Variants in DDX10 observed in about 807,000 individuals in gnomAD.
DDX10 encodes the protein probable ATP-dependent RNA helicase DDX10.
A neutral mutation model predicts 104.3 loss-of-function variants in DDX10; 74 were observed. That is an observed-to-expected ratio of 0.71 (90% CI 0.59 to 0.86). The LOEUF (loss-of-function observed/expected upper bound fraction) is 0.86, where lower values mean the gene tolerates loss of function less well. Among genes scored for constraint, DDX10 ranks in the 40% least tolerant of loss-of-function variants. DDX10 has a pLI of 0.00. For synonymous variants in DDX10, 351 were observed against 353.4 expected, an observed-to-expected ratio of 0.99 and a Z score of 0.08; for missense variants, 952 against 1,040.0, an observed-to-expected ratio of 0.92 and a Z score of 1.16.
At chr11:108,743,556 GTAT>G (rs2094327867) in intron 13 of DDX10, among the ~76,000 whole-genome samples, 1 of 152,138 alleles carries the variant, frequency 6.6e-6, no homozygotes, top group Non-Finnish European at 1.5e-5. Context: ...TTAACTTATT[GTAT>G]TGAACTATTA....
At chr11:108,868,412 A>G (rs1863035640) in intron 16 of DDX10, 1 of 152,000 alleles carries the variant, frequency 6.6e-6, no homozygotes, top group South Asian at 2.1e-4. Context: ...AGAGTAAGAA[A>G]TACATTTTCC....
At chr11:108,863,735 G>A (rs1211097548) in intron 16 of DDX10, among the ~76,000 whole-genome samples, 1 of 152,132 alleles carries the variant, frequency 6.6e-6, no homozygotes, top group Admixed American at 6.5e-5. Context: ...AGTACATGAT[G>A]TTTTTGTGGT....
At chr11:108,752,157 G>A (rs1447956930) in intron 13 of DDX10, among the ~76,000 whole-genome samples, 1 of 152,124 alleles carries the variant, frequency 6.6e-6, no homozygotes, top group Non-Finnish European at 1.5e-5. Context: ...ACGTCGTGAA[G>A]TTACGTCTTG....
At chr11:108,669,918 G>A (rs1047038062) in intron 1 of DDX10, among the ~76,000 whole-genome samples, 13 of 152,198 alleles carry the variant, frequency 8.5e-5, no homozygotes, top group African/African-American at 2.2e-4. Context: ...GGACTCTGCC[G>A]TAGAGTCATC....
Position 108,760,712 on chromosome 11 carries a change from G to A in DDX10, c.1965+37250G>A, listed in dbSNP as rs528542525. Among the ~76,000 whole-genome samples, 12 of 148,040 alleles carry A rather than the reference G, an allele frequency of 8.1e-5. No homozygotes were observed. In the South Asian group the frequency reaches 2.5e-3, roughly 31 times the overall value. On this transcript the variant is annotated intron_variant, in intron 13 of 17. Coordinates refer to ENST00000322536, the MANE Select transcript of DDX10 (RefSeq NM_004398.4). ...TTTTTTAAATTGGACTTCAGGGCCT[G>A]TATAGGAAAGACAGTTACTTTATCC... is the stretch of plus-strand genomic sequence containing the variant.
At chr11:108,901,970 A>G (rs1049253295) in intron 16 of DDX10, among the ~76,000 whole-genome samples, 2 of 152,192 alleles carry the variant, frequency 1.3e-5, no homozygotes, top group East Asian at 3.8e-4. Context: ...ACTTGTGGAT[A>G]ACTTCATTAA....
intron 6 of DDX10, among the ~76,000 whole-genome samples, chr11:108,686,127 T>C (rs574210059): frequency 3.7e-4 from 57 of 152,284 alleles, no homozygotes; most frequent in African/African-American, 1.3e-3. Flanking sequence ...AATCTCAAAA[T>C]TGAAAGGAAG....
At chr11:108,727,295 AAC>A (rs1367873684) in intron 13 of DDX10, among the ~76,000 whole-genome samples, 1 of 152,104 alleles carries the variant, frequency 6.6e-6, no homozygotes, top group East Asian at 1.9e-4. Context: ...TATCAATATT[AAC>A]AGTTATTTAG....
At chr11:108,929,248 G>A (rs1408297432) in intron 17 of DDX10, among the ~76,000 whole-genome samples, 1 of 152,210 alleles carries the variant, frequency 6.6e-6, no homozygotes, top group African/African-American at 2.4e-5. Flanking sequence ...CAGACAAGAG[G>A]TGGTGACAGG....
At chr11:108,675,912 C>A (rs530131259) in intron 3 of DDX10, 186 bp downstream of exon 3, 5 of 641,178 alleles carry the variant, frequency 7.8e-6, no homozygotes, top group African/African-American at 7.3e-5. Flanking sequence ...GGTTCTAGCA[C>A]AGTGCCTTGC....
At chr11:108,844,868 C>T (rs899685561) in intron 15 of DDX10, among the ~76,000 whole-genome samples, 1 of 152,058 alleles carries the variant, frequency 6.6e-6, no homozygotes, top group Non-Finnish European at 1.5e-5. Flanking sequence ...TTTTTTCTCC[C>T]TGACAAGTCA....
chr11:108,665,530 T>A (rs1191488542), intron 1 of DDX10, among the ~76,000 whole-genome samples, 191 bp downstream of exon 1: 1 of 151,656 alleles, frequency 6.6e-6, no homozygotes, highest in East Asian at 1.9e-4. Flanking sequence ...ACACTGTTCC[T>A]AAAAAAATAA....
intron 3 of DDX10, among the ~76,000 whole-genome samples, chr11:108,676,735 C>T (rs1026348260): frequency 2.0e-5 from 3 of 152,154 alleles, no homozygotes; most frequent in Non-Finnish European, 4.4e-5. Flanking sequence ...TGAGCCACTG[C>T]GCCCAGCCAA....
chr11:108,930,956 G>A (rs1863968512), intron 17 of DDX10, among the ~76,000 whole-genome samples: 1 of 152,136 alleles, frequency 6.6e-6, no homozygotes, highest in African/African-American at 2.4e-5. Context: ...AAACGTCAAA[G>A]ACTATTGTTG....
intron 16 of DDX10, among the ~76,000 whole-genome samples, chr11:108,903,780 T>C (rs913204190): frequency 6.6e-5 from 10 of 152,158 alleles, no homozygotes; most frequent in Non-Finnish European, 1.5e-4. Flanking sequence ...GACAATTTTA[T>C]TCCATCGTAT....
At chr11:108,774,908 T>C (rs571081461) in intron 13 of DDX10, among the ~76,000 whole-genome samples, 5 of 152,126 alleles carry the variant, frequency 3.3e-5, no homozygotes, top group Non-Finnish European at 5.9e-5. Flanking sequence ...AGCTTCTAAC[T>C]TGCTGGAACA....
intron 13 of DDX10, among the ~76,000 whole-genome samples, chr11:108,750,495 A>G (rs775868590): frequency 4.0e-5 from 6 of 151,622 alleles, no homozygotes; most frequent in Non-Finnish European, 8.8e-5. Flanking sequence ...AGTTCCCCCA[A>G]CTCTCTTTCA....
chr11:108,693,369 A>G (rs1431004362), intron 8 of DDX10, 147 bp from the exon 9 acceptor site: 1 of 732,796 alleles, frequency 1.4e-6, no homozygotes, highest in Non-Finnish European at 2.5e-6. Context: ...GGTTCATGCA[A>G]TTAATTTTAT....
chr11:108,679,710 C>A, intron 6 of DDX10, 150 bp downstream of exon 6: 1 of 540,032 alleles, frequency 1.9e-6, no homozygotes, highest in Non-Finnish European at 3.0e-6. Flanking sequence ...TAAAATTACC[C>A]AAATTCTGCA....
Sources: allele counts gnomAD v4.1 joint callset (sites outside exome capture counted in the v4.1 genomes callset), GRCh38; gene constraint gnomAD v4.1.1; transcripts MANE v1.5; gene names NCBI Gene and HGNC (gene_info 2026-07-23, HGNC 2026-07-21).